The following ITPR1 variants were observed in gnomAD, a reference collection of about 807,000 sequenced individuals.
ITPR1 encodes inositol 1,4,5-trisphosphate receptor type 1, also known as inositol 1,4,5-trisphosphate-gated calcium channel ITPR1.
In ITPR1, 96 loss-of-function variants were observed where a neutral mutation model predicts 318.4. That is an observed-to-expected ratio of 0.30 (90% confidence interval 0.26 to 0.36). ITPR1 has a LOEUF of 0.36. ITPR1 is among the 10% of genes least tolerant of loss of function. The pLI is 1.00. For synonymous variants in ITPR1, 1,312 were observed against 1,289.9 expected (o/e 1.02, Z -0.37); for missense variants, 2,440 against 3,460.2 (o/e 0.71, Z 7.40).
At chr3:4,651,076 T>A (rs1385190540) in intron 10 of ITPR1, among the ~76,000 whole-genome samples, 1 of 152,180 alleles carries the variant, frequency 6.6e-6, no homozygotes, top group African/African-American at 2.4e-5. Flanking sequence ...GGGACCCCTT[T>A]GATGTGTCTA....
chr3:4,783,855 C>A lies in ITPR1; in HGVS notation c.6550C>A (p.Pro2184Thr), dbSNP rs1332959220. The A allele has an allele frequency of 6.2e-7, 1 of 1,610,198 alleles. No homozygotes were observed. The highest frequency in any genetic ancestry group is 1.1e-5 in the South Asian group (1 of 89,864). ...CAAAGAACTTCAGAGCATGCTGAAA[C>A]CTGGTGGCCAAGTGGACGGAGATGA... Reference protein sequence around the residue: ...HNKELQSMLKPGGQVDGDEAL... With the variant: ...HNKELQSMLKTGGQVDGDEAL... The change falls in exon 51 of 62, where the codon CCT becomes ACT. Residue 2184 changes from proline (P) to threonine (T), a missense_variant. Transcript: ENST00000649015.
At chr3:4,729,655 A>G (rs563893796) in intron 42 of ITPR1, among the ~76,000 whole-genome samples, 1 of 152,352 alleles carries the variant, frequency 6.6e-6, no homozygotes, top group East Asian at 1.9e-4. Flanking sequence ...AGTGGAACTC[A>G]TATTGGTAGA....
intron 4 of ITPR1, among the ~76,000 whole-genome samples, chr3:4,578,018 A>C (rs1378910605): frequency 2.0e-5 from 3 of 152,266 alleles, no homozygotes; most frequent in Non-Finnish European, 4.4e-5. Context: ...TCCAGCAACC[A>C]GTGCCAGTGA....
chr3:4,645,794 T>TCA (rs1253253835), intron 10 of ITPR1, 66 bp downstream of exon 10: 2 of 1,450,898 alleles, frequency 1.4e-6, no homozygotes, highest in Non-Finnish European at 9.5e-7. Context: ...AGGCTCTCTC[T>TCA]CTCTCTATCC....
At chr3:4,590,336 C>CT (rs2090290493) in intron 4 of ITPR1, among the ~76,000 whole-genome samples, 1 of 151,638 alleles carries the variant, frequency 6.6e-6, no homozygotes, top group African/African-American at 2.4e-5. Context: ...TTCCTGATAC[C>CT]TGGAACAGTG....
intron 42 of ITPR1, 39 bp from the exon 43 acceptor site, chr3:4,733,049 A>C: frequency 6.3e-7 from 1 of 1,596,476 alleles, no homozygotes; most frequent in Non-Finnish European, 8.5e-7. Flanking sequence ...GTGATGCATT[A>C]AATGCAGAAG....
intron 44 of ITPR1, among the ~76,000 whole-genome samples, chr3:4,736,221 T>A (rs1289315655): frequency 1.3e-5 from 2 of 152,226 alleles, no homozygotes; most frequent in Non-Finnish European, 2.9e-5. Flanking sequence ...AAAAGCTTTA[T>A]TGAGATATAA....
intron 4 of ITPR1, among the ~76,000 whole-genome samples, chr3:4,548,723 T>C (rs1396285003): frequency 2.0e-5 from 3 of 152,168 alleles, no homozygotes; most frequent in African/African-American, 7.2e-5. Context: ...GGCTAGTAAC[T>C]AAATTGAAAA....
intron 44 of ITPR1, among the ~76,000 whole-genome samples, chr3:4,756,804 A>T (rs1160176970): frequency 6.6e-6 from 1 of 152,226 alleles, no homozygotes; most frequent in East Asian, 1.9e-4. Context: ...ACTGGATGCA[A>T]GTTGGACACT....
At chr3:4,627,924 G>A (rs1293152078) in intron 5 of ITPR1, 46 bp downstream of exon 5, 2 of 1,168,786 alleles carry the variant, frequency 1.7e-6, no homozygotes, top group Admixed American at 2.0e-5. Context: ...GTGAGTGGCT[G>A]CCTTGGTGGT....
At position 4,711,614 on chromosome 3, in the gene ITPR1, G is replaced by A. The variant is rs9813210; in HGVS notation, c.4992-143G>A. 86,315 of 617,468 alleles carry A rather than the reference G, an allele frequency of 0.14. 6,614 individuals carry two copies. The highest frequency in any genetic ancestry group is 0.17 in the African/African-American group (9,143 of 54,184). 38.2% of individuals were successfully genotyped at this position (617,468 alleles called of 1,614,324 possible). A position where few individuals can be genotyped will look rare whatever the true frequency, so the allele number is the denominator to read the frequency against. On this transcript the variant is annotated intron_variant, in intron 38 of 61. Coordinates refer to ENST00000649015, the MANE Select transcript of ITPR1 (RefSeq NM_001378452.1). ...TGCTAACTGGCTGTTCTCAGTGCAGGGAATGCCCTGAAGTATCTTTAACCT... is the reference window on the plus strand; with the variant it reads ...TGCTAACTGGCTGTTCTCAGTGCAGAGAATGCCCTGAAGTATCTTTAACCT...
chr3:4,579,216 G>A (rs1022712030), intron 4 of ITPR1, among the ~76,000 whole-genome samples: 2 of 152,182 alleles, frequency 1.3e-5, no homozygotes, highest in African/African-American at 4.8e-5. Flanking sequence ...TCGTTGTGAT[G>A]ATGAAACGAT....
intron 44 of ITPR1, among the ~76,000 whole-genome samples, chr3:4,761,173 C>G (rs925355469): frequency 1.3e-5 from 2 of 152,048 alleles, no homozygotes; most frequent in Non-Finnish European, 2.9e-5. Context: ...GGTAAATGTG[C>G]AGGTTTGTTA....
rs544179049 is a variant in ITPR1 at position 4,673,397 on chromosome 3, G to T, written c.2456+10G>T. 2.0e-4 allele frequency: 326 copies of T among 1,592,754 alleles called. 3 individuals are homozygous for T. In the South Asian group the frequency reaches 3.6e-3, roughly 17 times the overall value. ...AGATCGCCATTGACGAGTGAGCCTG[G>T]CACCTGAAAACCTCACTTTACATTA... On this transcript the variant is annotated intron_variant, in intron 21 of 61. Coordinates refer to ENST00000649015, the MANE Select transcript of ITPR1 (RefSeq NM_001378452.1).
At chr3:4,621,581 C>G (rs1195998179) in intron 4 of ITPR1, among the ~76,000 whole-genome samples, 1 of 152,208 alleles carries the variant, frequency 6.6e-6, no homozygotes, top group African/African-American at 2.4e-5. Flanking sequence ...GCCAGGCACA[C>G]CAGGTTCTTC....
chr3:4,766,480 C>G (rs1414225147), intron 44 of ITPR1, 50 bp from the exon 45 acceptor site: 1 of 1,507,000 alleles, frequency 6.6e-7, no homozygotes, highest in South Asian at 1.2e-5. Flanking sequence ...GAGTGGGGTG[C>G]AGTTTCTGGT....
chr3:4,598,805 T>C (rs2091047708), intron 4 of ITPR1, among the ~76,000 whole-genome samples: 1 of 152,204 alleles, frequency 6.6e-6, no homozygotes, highest in African/African-American at 2.4e-5. Context: ...TCAGAGTGTT[T>C]CAATTCAGGT....
chr3:4,675,354 C>G, intron 23 of ITPR1, 106 bp downstream of exon 23: 1 of 778,090 alleles, frequency 1.3e-6, no homozygotes, highest in East Asian at 2.9e-5. Flanking sequence ...TTTGTTCATT[C>G]CTTCCCAACT....
intron 56 of ITPR1, 144 bp from the exon 57 acceptor site, chr3:4,812,998 G>T: frequency 1.5e-6 from 1 of 679,024 alleles, no homozygotes; most frequent in Non-Finnish European, 2.6e-6. Flanking sequence ...AGTGTAAATT[G>T]CATTTCTGCT....
Sources: allele counts gnomAD v4.1 joint callset (sites outside exome capture counted in the v4.1 genomes callset), GRCh38; gene constraint gnomAD v4.1.1; transcripts MANE v1.5; gene names NCBI Gene and HGNC (gene_info 2026-07-23, HGNC 2026-07-21).